Variants in IFT46 observed in about 807,000 individuals in gnomAD.
The protein encoded by IFT46 is intraflagellar transport protein 46 homolog.
IFT46 carries 19 observed loss-of-function variants against 39.6 expected under a neutral mutation model. The observed-to-expected ratio is 0.48, with a 90% confidence interval of 0.33 to 0.70. The LOEUF is 0.70. Ranked by LOEUF, IFT46 falls within the 30% of genes least tolerant of loss-of-function variation. The pLI is 0.01. For missense variants in IFT46, 334 were observed against 364.8 expected (o/e 0.92, Z 0.69); for synonymous variants, 117 against 134.8 (o/e 0.87, Z 0.91).
chr11:118,572,909 C>T (rs782116649), exon 1 of IFT46: 1 of 295,266 alleles, frequency 3.4e-6, no homozygotes, highest in Non-Finnish European at 6.3e-6. Context: ...CCCGCCGGTT[C>T]CCTGGCGCTT....
chr11:118,576,440 A>C (rs1433379195), upstream of IFT46, among the ~76,000 whole-genome samples: 11 of 147,194 alleles, frequency 7.5e-5, no homozygotes, highest in East Asian at 9.4e-4. Flanking sequence ...AAAAAAAAAA[A>C]AAAAAAAAAC....
intron 2 of IFT46, among the ~76,000 whole-genome samples, chr11:118,562,692 C>A (rs1190714571): frequency 1.3e-5 from 2 of 152,128 alleles, no homozygotes; most frequent in Non-Finnish European, 2.9e-5. Flanking sequence ...ACTTGTACAC[C>A]TCTGTTCATA....
At chr11:118,569,352 G>C (rs1397695205), upstream of IFT46, among the ~76,000 whole-genome samples, 5 of 151,786 alleles carry the variant, frequency 3.3e-5, no homozygotes, top group African/African-American at 9.7e-5. Context: ...CAGAACTTTG[G>C]GGGGACAAGA....
Position 118,551,789 on chromosome 11 carries a change from GC to G in IFT46, c.668del (p.Gly223AlafsTer3), listed in dbSNP as rs782479839. 3.1e-6 allele frequency: 5 copies of G among 1,613,404 alleles called. No individual in the cohort carries two copies. The highest frequency in any genetic ancestry group is 4.2e-6 in the Non-Finnish European group (5 of 1,179,564). On this transcript the variant is annotated frameshift_variant, in exon 9 of 12. Coordinates refer to ENST00000264021, the MANE Select transcript of IFT46 (RefSeq NM_001168618.2). LOFTEE classifies it high-confidence loss of function. ...CCTCCTGCTACCTTCCACTCACCTT[GC>G]CCAAAAGCTCTTCAAACTCCGGGGA... Reference protein sequence around the residue: ...EWSPEFEELLGKVSLPTAEID... With the variant: ...EWSPEFEELLXKVSLPTAEID...
At chr11:118,571,017 AG>A (rs1305067986), upstream of IFT46, among the ~76,000 whole-genome samples, 2 of 152,248 alleles carry the variant, frequency 1.3e-5, no homozygotes, top group East Asian at 3.9e-4. Flanking sequence ...CTGGGACTCT[AG>A]GATCATGCCA....
In IFT46 at chr11:118,551,430, T is replaced by C. The variant is rs141384886; in HGVS notation, c.672+356A>G. ...GGCTCATGCCTGTAATCCCAGCACT[T>C]TGGGAGGCTGAGGAAGGAGGACTGC... On this transcript the variant is annotated intron_variant, in intron 9 of 11. Transcript: ENST00000264021. 7.1e-3 allele frequency among the ~76,000 whole-genome samples: 1,076 copies of C among 151,770 alleles called. 16 individuals are homozygous for C. Among genetic ancestry groups the C allele is most frequent in the African/African-American group, 0.024 (1,003 of 41,382 alleles).
chr11:118,573,278 A>G (rs781876911), upstream of IFT46, among the ~76,000 whole-genome samples: 2 of 152,188 alleles, frequency 1.3e-5, no homozygotes, highest in Non-Finnish European at 2.9e-5. Flanking sequence ...TGTCCAGGTG[A>G]AGAAAAATGT....
chr11:118,544,798 C>T lies in IFT46; in HGVS notation c.*118G>A. On this transcript the variant is annotated 3_prime_UTR_variant, in exon 12 of 12. Transcript: ENST00000264021. ...GGCAGAGAGGGCAGCAGGACATGCA[C>T]TGCCCCTGAGCCAAGCTGTGGCATG... 1.4e-6 allele frequency: 1 copy of T among 717,070 alleles called. No homozygotes were observed. The highest frequency in any genetic ancestry group is 2.5e-6 in the Non-Finnish European group (1 of 402,644). 44.4% of individuals were successfully genotyped at this position (717,070 alleles called of 1,614,324 possible).
In IFT46 at chr11:118,571,769, T is replaced by C. The variant is rs186660572; in HGVS notation, c.-133+827A>G. On this transcript the variant is annotated intron_variant, in intron 1 of 5. Transcript: ENST00000528378. ...GAAGCCCATTTTTAGACAGGAATAC[T>C]GTATTTGTCTTTTTATTGCTGAGTT... Among the ~76,000 whole-genome samples, 696 of 152,368 alleles carry C rather than the reference T, an allele frequency of 4.6e-3. 4 individuals are homozygous for C. Among genetic ancestry groups the C allele is most frequent in the Non-Finnish European group, 7.9e-3 (536 of 68,036 alleles).
chr11:118,548,982 C>G (rs1388371639), intron 9 of IFT46, among the ~76,000 whole-genome samples: 2 of 151,106 alleles, frequency 1.3e-5, no homozygotes, highest in Non-Finnish European at 2.9e-5. Flanking sequence ...AACATCTGCA[C>G]CCCTCCTGGG....
intron 2 of IFT46, chr11:118,561,414 C>T (rs1248299695): frequency 6.1e-6 from 5 of 821,446 alleles, no homozygotes; most frequent in Non-Finnish European, 8.5e-6. Flanking sequence ...TATAAGAAAG[C>T]TCATGCTGCT....
At chr11:118,553,334 G>A (rs557433283) in intron 7 of IFT46, among the ~76,000 whole-genome samples, 197 of 151,860 alleles carry the variant, frequency 1.3e-3, no homozygotes, top group South Asian at 0.012. Context: ...CCAGCTACTC[G>A]GGAGGCTGAG....
rs1391082861 is a variant in IFT46 at position 118,551,780 on chromosome 11, A to T, written c.672+6T>A. On this transcript the variant is annotated splice_donor_region_variant and intron_variant, in intron 9 of 11. Coordinates refer to ENST00000264021, the MANE Select transcript of IFT46 (RefSeq NM_001168618.2). ...CTTACCCTACCTCCTGCTACCTTCCACTCACCTTGCCCAAAAGCTCTTCAA... is the reference window on the plus strand; with the variant it reads ...CTTACCCTACCTCCTGCTACCTTCCTCTCACCTTGCCCAAAAGCTCTTCAA... The T allele has an allele frequency of 6.2e-7, 1 of 1,612,220 alleles. No homozygotes were observed. The highest frequency in any genetic ancestry group is 8.5e-7 in the Non-Finnish European group (1 of 1,178,820).
chr11:118,549,492 A>G (rs568891686), intron 9 of IFT46, among the ~76,000 whole-genome samples: 51 of 149,344 alleles, frequency 3.4e-4, no homozygotes, highest in African/African-American at 1.2e-3. Flanking sequence ...TTTCATTTCT[A>G]TGAGTTTAAA....
upstream of IFT46, among the ~76,000 whole-genome samples, chr11:118,575,527 C>T (rs1046635421): frequency 6.6e-6 from 1 of 151,870 alleles, no homozygotes; most frequent in Non-Finnish European, 1.5e-5. Context: ...TTTTAGGTTT[C>T]GTATGTGGTC....
chr11:118,575,151 T>C (rs188437719), upstream of IFT46, among the ~76,000 whole-genome samples: 978 of 152,240 alleles, frequency 6.4e-3, 11 homozygotes, highest in African/African-American at 0.021. Flanking sequence ...ACTACTTTTT[T>C]GTATTTTTAG....
intron 4 of IFT46, 89 bp from the exon 5 acceptor site, chr11:118,555,411 G>A: frequency 5.3e-6 from 5 of 937,520 alleles, no homozygotes; most frequent in Non-Finnish European, 8.6e-6. Context: ...TGACTATAGG[G>A]ACATGATCCT....
chr11:118,572,437 T>A (rs891160943), intron 1 of IFT46: 5 of 1,044,342 alleles, frequency 4.8e-6, no homozygotes, highest in African/African-American at 1.7e-5. Flanking sequence ...GCGGCAGCGG[T>A]TCCTGTCAAG....
intron 3 of IFT46, among the ~76,000 whole-genome samples, chr11:118,559,541 T>C (rs1937960118): frequency 6.6e-6 from 1 of 152,208 alleles, no homozygotes; most frequent in Admixed American, 6.5e-5. Flanking sequence ...TCAGGAAAGT[T>C]TGTGAAACAC....
Sources: allele counts gnomAD v4.1 joint callset (sites outside exome capture counted in the v4.1 genomes callset), GRCh38; gene constraint gnomAD v4.1.1; transcripts MANE v1.5; gene names NCBI Gene and HGNC (gene_info 2026-07-23, HGNC 2026-07-21).